The following PCDH19 variants were observed in gnomAD, a reference collection of about 807,000 sequenced individuals.
PCDH19 encodes protocadherin 19.
In PCDH19, 6 loss-of-function variants were observed where a neutral mutation model predicts 46.2. The ratio of observed to expected loss-of-function variants is 0.13; its 90% CI spans 0.07 to 0.26. PCDH19 has a LOEUF of 0.26. PCDH19 is among the 10% of genes least tolerant of loss of function. The pLI is 1.00. For synonymous variants in PCDH19, 481 were observed against 415.7 expected (o/e 1.16, Z -1.91); for missense variants, 740 against 972.3 (o/e 0.76, Z 3.18).
At chrX:100,403,465 C>T (rs1037980871) in intron 2 of PCDH19, 59 bp downstream of exon 2, 2 of 1,156,287 alleles carry the variant, frequency 1.7e-6, no homozygotes, top group African/African-American at 3.6e-5. Context: ...CCGACCCCCT[C>T]CTCTCCTAGA....
chrX:100,319,478 C>T (rs1038049512), intron 5 of PCDH19, among the ~76,000 whole-genome samples: 1 of 111,853 alleles, frequency 8.9e-6, no homozygotes, highest in Non-Finnish European at 1.9e-5. Context: ...GAACAAAATA[C>T]ATTGAGGATC....
intron 3 of PCDH19, among the ~76,000 whole-genome samples, chrX:100,372,053 A>G (rs2147509471): frequency 9.0e-6 from 1 of 111,471 alleles, no homozygotes; most frequent in South Asian, 3.9e-4. Context: ...CCCGGCCAGT[A>G]TGGTGAAACC....
At chrX:100,341,257 T>C (rs1926244489) in intron 5 of PCDH19, among the ~76,000 whole-genome samples, 1 of 111,861 alleles carries the variant, frequency 8.9e-6, no homozygotes, top group Non-Finnish European at 1.9e-5. Flanking sequence ...ACATGTGCTT[T>C]GAGGTGCCTT....
rs751010250 is a variant in PCDH19 at position 100,389,196 on chromosome X, C to T, written c.2616+13328G>A. 1.1e-3 allele frequency among the ~76,000 whole-genome samples: 117 copies of T among 111,297 alleles called. 1 individual carries two copies. Among genetic ancestry groups the T allele is most frequent in the Non-Finnish European group, 7.4e-4 (39 of 52,940 alleles). The stretch of plus-strand genomic sequence containing the variant: ...TGCTTCATACTTCCTTATTTTTCTT[C>T]GTATCACCATCTGTCCATAAAAATG... On this transcript the variant is annotated intron_variant, in intron 3 of 5. Transcript: ENST00000373034.
intron 3 of PCDH19, among the ~76,000 whole-genome samples, chrX:100,382,052 T>C (rs1927567354): frequency 3.6e-5 from 4 of 110,080 alleles, no homozygotes. Context: ...ACTCAACTGC[T>C]GACTATTGGG....
chrX:100,374,736 G>A (rs1298938590), intron 3 of PCDH19, among the ~76,000 whole-genome samples: 1 of 111,224 alleles, frequency 9.0e-6, no homozygotes, highest in Non-Finnish European at 1.9e-5. Context: ...TCAGGAGATC[G>A]AGACCATCCT....
intron 5 of PCDH19, among the ~76,000 whole-genome samples, chrX:100,304,210 C>T (rs913424783): frequency 9.0e-6 from 1 of 111,616 alleles, no homozygotes; most frequent in African/African-American, 3.3e-5. Context: ...CCGATATCCA[C>T]GGCTGAAAGA....
intron 3 of PCDH19, among the ~76,000 whole-genome samples, chrX:100,387,435 C>T (rs1046016971): frequency 2.7e-5 from 3 of 111,368 alleles, no homozygotes; most frequent in African/African-American, 9.8e-5. Context: ...CATGTTGAAA[C>T]AGGATGCTTC....
intron 3 of PCDH19, among the ~76,000 whole-genome samples, chrX:100,395,448 A>C (rs1928001974): frequency 8.9e-6 from 1 of 112,528 alleles, no homozygotes; most frequent in African/African-American, 3.2e-5. Context: ...GAGTCCTGTC[A>C]GGTTTTTCAT....
chrX:100,341,168 C>T (rs1298205074), intron 5 of PCDH19, among the ~76,000 whole-genome samples: 3 of 112,127 alleles, frequency 2.7e-5, no homozygotes, highest in Non-Finnish European at 1.9e-5. Flanking sequence ...TTAAATAGTG[C>T]CTCTCGATAA....
At chrX:100,405,558 T>TCC (rs1244771893) in intron 1 of PCDH19, among the ~76,000 whole-genome samples, 76 of 80,971 alleles carry the variant, frequency 9.4e-4, no homozygotes, top group African/African-American at 1.9e-3. Flanking sequence ...CCTCTCTCTC[T>TCC]CCCTCCCCCC....
intron 5 of PCDH19, among the ~76,000 whole-genome samples, chrX:100,327,995 T>C (rs1298185450): frequency 1.8e-5 from 2 of 111,873 alleles, no homozygotes; most frequent in African/African-American, 3.3e-5. Context: ...TGCCTGCATT[T>C]CTGGTATGGA....
intron 5 of PCDH19, among the ~76,000 whole-genome samples, chrX:100,319,404 G>C (rs1159742802): frequency 9.0e-6 from 1 of 111,718 alleles, no homozygotes; most frequent in Non-Finnish European, 1.9e-5. Context: ...AAATGGAATA[G>C]GCAAAAGGGC....
At position 100,408,301 on chromosome X, in the gene PCDH19, G is replaced by A. The variant is rs749703523; in HGVS notation, c.297C>T (p.Cys99=). 1.7e-6 allele frequency: 2 copies of A among 1,211,676 alleles called. No individual in the cohort carries two copies. The highest frequency in any genetic ancestry group is 5.9e-5 in the East Asian group (2 of 33,815). ...TGGACATGACCTCGAGCGAGATGAT[G>A]CACTTGGGGCTCTGGCGGCACAGCA... ...RDLLCRQSPK[C]IISLEVMSSS... is the part of the protein sequence containing the mutation. The change falls in exon 1 of 6, where the codon TGC becomes TGT. Residue 99 remains cysteine, a synonymous_variant. Coordinates refer to ENST00000373034, the MANE Select transcript of PCDH19 (RefSeq NM_001184880.2).
chrX:100,339,211 T>C (rs184695176), intron 5 of PCDH19, among the ~76,000 whole-genome samples: 6 of 112,196 alleles, frequency 5.3e-5, no homozygotes, highest in African/African-American at 1.6e-4. Context: ...TCAAGAACAG[T>C]TGCTCTGGAA....
chrX:100,407,999 G>A lies in PCDH19; in HGVS notation c.599C>T (p.Thr200Met), dbSNP rs1222053591. 1.7e-6 allele frequency: 2 copies of A among 1,207,797 alleles called. No individual in the cohort carries two copies. The highest frequency in any genetic ancestry group is 2.2e-5 in the Admixed American group (1 of 46,186). Residue 200 changes from threonine (T) to methionine (M), a missense_variant, in exon 1 of 6, where the codon ACG becomes ATG. Physicochemically the swap from Thr to Met is moderately conservative, Grantham distance 81 (BLOSUM62 -1). Transcript: ENST00000373034. Reference protein sequence around the residue: ...LVVEKSLDRETQSHYSFRITA... With the variant: ...LVVEKSLDREMQSHYSFRITA... ...GATTCGGAAGCTGTAGTGCGACTGC[G>A]TCTCGCGGTCCAGGCTCTTTTCCAC...
intron 3 of PCDH19, among the ~76,000 whole-genome samples, chrX:100,394,927 G>A (rs1221013069): frequency 1.1e-5 from 1 of 90,122 alleles, no homozygotes; most frequent in African/African-American, 4.4e-5. Context: ...TCGCTCTGTC[G>A]CCCAGGCTGG....
chrX:100,341,418 C>T (rs1181796670), intron 5 of PCDH19, among the ~76,000 whole-genome samples: 4 of 111,645 alleles, frequency 3.6e-5, no homozygotes, highest in Admixed American at 2.9e-4. Context: ...TATTTTCTAT[C>T]CTCAGTAAAT....
chrX:100,322,865 A>ATATATATATATTTTTTTTTT, intron 5 of PCDH19, among the ~76,000 whole-genome samples: 10 of 54,400 alleles, frequency 1.8e-4, no homozygotes, highest in African/African-American at 5.9e-4. Context: ...ATATATATAT[A>ATATATATATATTTTTTTTTT]TTTTTGCAGC....
Sources: gnomAD v4.1 joint callset for allele counts (sites outside exome capture counted in the v4.1 genomes callset) on GRCh38, gnomAD v4.1.1 for gene constraint, MANE v1.5 for transcripts, NCBI Gene and HGNC (gene_info 2026-07-23, HGNC 2026-07-21) for gene names.